Variants in PCBP3 observed in about 807,000 individuals in gnomAD.
PCBP3 encodes the protein poly(rC) binding protein 3.
A neutral mutation model predicts 52.7 loss-of-function variants in PCBP3; 25 were observed. The observed-to-expected ratio is 0.47, with a 90% confidence interval of 0.35 to 0.66. The LOEUF is 0.66. Ranked by LOEUF, PCBP3 falls within the 30% of genes least tolerant of loss-of-function variation. The pLI, the probability that PCBP3 is intolerant of heterozygous loss-of-function variation, is 0.01. For synonymous variants in PCBP3, 162 were observed against 183.0 expected, an observed-to-expected ratio of 0.89 and a Z score of 0.93; for missense variants, 391 against 490.3, an observed-to-expected ratio of 0.80 and a Z score of 1.91.
chr21:45,793,755 T>A (rs2091763058), intron 4 of PCBP3, among the ~76,000 whole-genome samples: 1 of 152,190 alleles, frequency 6.6e-6, no homozygotes, highest in Admixed American at 6.5e-5. Context: ...AACTGTACTC[T>A]AGATTTAATT....
chr21:45,865,867 C>G (rs896640867), intron 5 of PCBP3, among the ~76,000 whole-genome samples: 5 of 152,220 alleles, frequency 3.3e-5, no homozygotes, highest in Non-Finnish European at 5.9e-5. Context: ...GTGCACCCCC[C>G]ACAGCCGGAG....
intron 5 of PCBP3, among the ~76,000 whole-genome samples, chr21:45,873,949 A>G (rs1335977684): frequency 6.6e-6 from 1 of 152,224 alleles, no homozygotes; most frequent in Admixed American, 6.5e-5. Flanking sequence ...TATTTTGTAG[A>G]AACAAGGTCT....
chr21:45,869,611 A>G (rs938115679), intron 5 of PCBP3, among the ~76,000 whole-genome samples: 3 of 152,172 alleles, frequency 2.0e-5, no homozygotes, highest in Admixed American at 6.5e-5. Flanking sequence ...TGTGGGCTGC[A>G]GCCCTCAGCC....
At chr21:45,862,833 C>T (rs1204491627) in intron 5 of PCBP3, among the ~76,000 whole-genome samples, 1 of 152,216 alleles carries the variant, frequency 6.6e-6, no homozygotes, top group Non-Finnish European at 1.5e-5. Flanking sequence ...TGTGCTTTTC[C>T]CATTACCGCC....
intron 5 of PCBP3, among the ~76,000 whole-genome samples, chr21:45,891,202 A>G (rs182141137): frequency 1.3e-5 from 2 of 152,358 alleles, no homozygotes; most frequent in East Asian, 3.9e-4. Context: ...ACAGTTTCTT[A>G]GGAAGTTCCA....
intron 2 of PCBP3, among the ~76,000 whole-genome samples, chr21:45,686,610 A>C (rs1424103230): frequency 2.0e-5 from 3 of 152,236 alleles, no homozygotes; most frequent in Non-Finnish European, 4.4e-5. Context: ...AAAGGTAGAG[A>C]TGATGAACTG....
intron 2 of PCBP3, among the ~76,000 whole-genome samples, chr21:45,679,619 C>T (rs2081705782): frequency 6.6e-6 from 1 of 152,036 alleles, no homozygotes. Context: ...TGAGATATAC[C>T]TATATTCTAA....
chr21:45,766,942 C>G (rs1376359502), intron 4 of PCBP3, among the ~76,000 whole-genome samples: 1 of 152,196 alleles, frequency 6.6e-6, no homozygotes, highest in Non-Finnish European at 1.5e-5. Flanking sequence ...GTCTGTCAGA[C>G]ACTGACTAGA....
At chr21:45,812,297 A>G (rs920733718) in intron 4 of PCBP3, among the ~76,000 whole-genome samples, 1 of 152,164 alleles carries the variant, frequency 6.6e-6, no homozygotes, top group Non-Finnish European at 1.5e-5. Flanking sequence ...ATGTGCCCAA[A>G]GTGTGGGTTT....
At position 45,898,685 on chromosome 21, in the gene PCBP3, G is replaced by A. The variant is rs1271961751; in HGVS notation, c.166-914G>A. On this transcript the variant is annotated intron_variant, in intron 6 of 17. Coordinates refer to ENST00000681687, the MANE Select transcript of PCBP3 (RefSeq NM_001384156.1). ...CCTCACAGCCTCCCTCTCCCTCCAC[G>A]GGCCCCTCTGCACGCCGTCCTCACG... Among the ~76,000 whole-genome samples the A allele has an allele frequency of 1.1e-4, 5 of 43,672 alleles. 2 individuals are homozygous for A. Among genetic ancestry groups the A allele is most frequent in the African/African-American group, 4.6e-4 (3 of 6,528 alleles). 28.7% of individuals were successfully genotyped at this position (43,672 alleles called of 152,430 possible).
At chr21:45,681,945 T>C (rs958276128) in intron 2 of PCBP3, among the ~76,000 whole-genome samples, 3 of 152,066 alleles carry the variant, frequency 2.0e-5, no homozygotes, top group Admixed American at 6.5e-5. Flanking sequence ...AGATATAATA[T>C]AGACCAAAAA....
Position 45,941,775 on chromosome 21 carries a change from G to C in PCBP3, c.*69G>C, listed in dbSNP as rs1033637071. On this transcript the variant is annotated 3_prime_UTR_variant, in exon 18 of 18. Transcript: ENST00000681687. ...CTAAGGCCCCCGGCTCTCGCACTCT[G>C]TACAGCCCACCTTCCCTGCCTCACA... The C allele has an allele frequency of 1.6e-6, 2 of 1,274,806 alleles. No homozygotes were observed. The highest frequency in any genetic ancestry group is 2.2e-6 in the Non-Finnish European group (2 of 909,476). The allele number at this position is 1,274,806 out of a possible 1,614,324, so 79.0% of individuals were successfully genotyped here.
chr21:45,747,329 A>G (rs1269740930), intron 3 of PCBP3, among the ~76,000 whole-genome samples: 4 of 152,236 alleles, frequency 2.6e-5, no homozygotes, highest in East Asian at 3.9e-4. Context: ...TGGGAGCTAC[A>G]ATTCAAAATG....
chr21:45,673,855 T>C (rs986899347), intron 2 of PCBP3: 2 of 152,188 alleles, frequency 1.3e-5, no homozygotes, highest in African/African-American at 4.8e-5. Context: ...AGTGAGCATG[T>C]CTCTCTATGA....
chr21:45,894,559 T>C (rs2095773340), intron 5 of PCBP3, among the ~76,000 whole-genome samples: 1 of 152,212 alleles, frequency 6.6e-6, no homozygotes, highest in Non-Finnish European at 1.5e-5. Flanking sequence ...CTTTCTGAGA[T>C]CTGTCTACAC....
At chr21:45,906,902 C>T (rs886627085) in intron 9 of PCBP3, among the ~76,000 whole-genome samples, 2 of 152,164 alleles carry the variant, frequency 1.3e-5, no homozygotes, top group South Asian at 2.1e-4. Flanking sequence ...TGATTTGAAA[C>T]GCCTCCCAGG....
intron 4 of PCBP3, among the ~76,000 whole-genome samples, chr21:45,797,044 T>C (rs999254521): frequency 4.6e-5 from 7 of 152,262 alleles, no homozygotes; most frequent in African/African-American, 1.4e-4. Flanking sequence ...GCTCATGTTC[T>C]GATTTTGATC....
At chr21:45,734,236 T>A (rs2085680104) in intron 2 of PCBP3, among the ~76,000 whole-genome samples, 1 of 152,182 alleles carries the variant, frequency 6.6e-6, no homozygotes, top group Non-Finnish European at 1.5e-5. Context: ...GCAGCCTAGT[T>A]GTTGGGAGTA....
intron 5 of PCBP3, among the ~76,000 whole-genome samples, chr21:45,875,529 G>T (rs1377544180): frequency 6.6e-6 from 1 of 152,248 alleles, no homozygotes; most frequent in Non-Finnish European, 1.5e-5. Context: ...TGCAGAGTCA[G>T]TTGGGGCCAC....
Sources: allele counts gnomAD v4.1 joint callset (sites outside exome capture counted in the v4.1 genomes callset), GRCh38; gene constraint gnomAD v4.1.1; transcripts MANE v1.5; gene names NCBI Gene and HGNC (gene_info 2026-07-23, HGNC 2026-07-21).